PDE9A: variants seen among roughly 807,000 people sequenced by gnomAD.
PDE9A encodes the protein high affinity cGMP-specific 3',5'-cyclic phosphodiesterase 9A.
A neutral mutation model predicts 87.4 loss-of-function variants in PDE9A; 60 were observed. The observed-to-expected ratio is 0.69, with a 90% CI of 0.56 to 0.85. The LOEUF (loss-of-function observed/expected upper bound fraction) is 0.85. PDE9A is among the 40% of genes least tolerant of loss of function. PDE9A has a pLI of 0.00. For synonymous variants in PDE9A, 272 were observed against 279.4 expected (o/e 0.97, Z 0.27); for missense variants, 665 against 779.0 (o/e 0.85, Z 1.74).
intron 1 of PDE9A, among the ~76,000 whole-genome samples, chr21:42,683,625 A>G (rs2059290552): frequency 6.6e-6 from 1 of 152,222 alleles, no homozygotes; most frequent in Admixed American, 6.5e-5. Context: ...CCCCAGGCCC[A>G]TGAGCCTGTT....
chr21:42,757,727 A>T (rs1465566238), intron 10 of PDE9A: 1 of 152,050 alleles, frequency 6.6e-6, no homozygotes, highest in Non-Finnish European at 1.5e-5. Context: ...GGCCAGCAAG[A>T]TGGCCGCCTT....
chr21:42,663,493 C>T (rs2895935), intron 1 of PDE9A, among the ~76,000 whole-genome samples: 56,269 of 152,046 alleles, frequency 0.37, 12,069 homozygotes, highest in African/African-American at 0.6. Context: ...GCCTCCTATA[C>T]GTGCCGGAAG....
intron 6 of PDE9A, among the ~76,000 whole-genome samples, chr21:42,732,733 G>T (rs1039284975): frequency 6.6e-6 from 1 of 152,108 alleles, no homozygotes; most frequent in Non-Finnish European, 1.5e-5. Context: ...TGACCAACAT[G>T]GAGAAACCCC....
chr21:42,715,342 T>C (rs11203209), intron 4 of PDE9A, among the ~76,000 whole-genome samples: 15,072 of 152,078 alleles, frequency 0.099, 1,090 homozygotes, highest in East Asian at 0.35. Context: ...GTATATTGGT[T>C]ACAGCCGGGC....
At chr21:42,756,618 C>T (rs955139614) in intron 10 of PDE9A, among the ~76,000 whole-genome samples, 12 of 151,608 alleles carry the variant, frequency 7.9e-5, no homozygotes, top group South Asian at 4.2e-4. Context: ...GGCTGTGGCC[C>T]GTGAGCGTGG....
At chr21:42,770,195 G>T (rs2056902959) in intron 17 of PDE9A, among the ~76,000 whole-genome samples, 1 of 151,356 alleles carries the variant, frequency 6.6e-6, no homozygotes, top group Admixed American at 6.6e-5. Context: ...TGAGCTGCCT[G>T]TGGCCCCCTG....
chr21:42,686,508 G>A (rs1311038476), intron 2 of PDE9A, among the ~76,000 whole-genome samples: 3 of 152,198 alleles, frequency 2.0e-5, no homozygotes, highest in South Asian at 2.1e-4. Flanking sequence ...AAACAGAACC[G>A]CCCTCCTAAG....
At position 42,731,657 on chromosome 21, in the gene PDE9A, T is replaced by C. The variant is rs1382559708; in HGVS notation, c.263-113T>C. On this transcript the variant is annotated intron_variant, in intron 4 of 19. Coordinates refer to ENST00000291539, the MANE Select transcript of PDE9A (RefSeq NM_002606.3). ...CGCCGTGAGAACACCGTGTTCTGAATTGAGACGTGCCTTGCACTCACTTTG... is the reference window on the plus strand; with the variant it reads ...CGCCGTGAGAACACCGTGTTCTGAACTGAGACGTGCCTTGCACTCACTTTG... The C allele has an allele frequency of 2.2e-5, 24 of 1,092,420 alleles. No individual in the cohort carries two copies. The Admixed American group carries it at 3.5e-4, about 16-fold the overall frequency. The allele number at this position is 1,092,420 out of a possible 1,614,324, so 67.7% of individuals were successfully genotyped here.
At chr21:42,772,067 A>G (rs2057067922) in intron 18 of PDE9A, among the ~76,000 whole-genome samples, 1 of 151,388 alleles carries the variant, frequency 6.6e-6, no homozygotes, top group Admixed American at 6.6e-5. Context: ...CCAGTAGGGG[A>G]TAGTAGGGTT....
At chr21:42,671,251 C>T (rs776628928) in intron 1 of PDE9A, among the ~76,000 whole-genome samples, 6 of 152,152 alleles carry the variant, frequency 3.9e-5, no homozygotes, top group Non-Finnish European at 7.4e-5. Context: ...TGACGCTTTC[C>T]TCCTGCTCTT....
intron 1 of PDE9A, among the ~76,000 whole-genome samples, chr21:42,685,627 C>T (rs1243728297): frequency 6.6e-6 from 1 of 151,938 alleles, no homozygotes; most frequent in Non-Finnish European, 1.5e-5. Context: ...CCACCACGCC[C>T]GGCTAATTTT....
rs58108928 is a variant in PDE9A, at chr21:42,740,704, GTAGATAGA to G, written c.569-3033_569-3026del. Among the ~76,000 whole-genome samples, 1,234 of 133,406 alleles carry G rather than the reference GTAGATAGA, an allele frequency of 9.2e-3. 17 individuals carry two copies. The highest frequency in any genetic ancestry group is 0.019 in the Middle Eastern group (5 of 270). 87.5% of individuals were successfully genotyped at this position (133,406 alleles called of 152,430 possible). A position where few individuals can be genotyped will look rare whatever the true frequency, so the allele number is the denominator to read the frequency against. ...TAGATACACAGTAGGTAGGTAGGTA[GTAGATAGA>G]TAGATAGATAGATAGATAGATAGAT... On this transcript the variant is annotated intron_variant, in intron 7 of 19. Transcript: ENST00000291539.
chr21:42,741,344 T>C (rs1431511961), intron 7 of PDE9A: 1 of 152,232 alleles, frequency 6.6e-6, no homozygotes, highest in African/African-American at 2.4e-5. Context: ...ATCAGCTTCC[T>C]TGAGGGGCCC....
intron 4 of PDE9A, among the ~76,000 whole-genome samples, chr21:42,730,188 G>C (rs1166596346): frequency 6.6e-6 from 1 of 152,180 alleles, no homozygotes; most frequent in African/African-American, 2.4e-5. Flanking sequence ...TCCCCCACTA[G>C]TAGGTGTGGG....
chr21:42,765,277 G>A (rs981492434), intron 14 of PDE9A, 104 bp from the exon 15 acceptor site: 43 of 640,640 alleles, frequency 6.7e-5, no homozygotes, highest in Non-Finnish European at 1.1e-4. Flanking sequence ...CGGAATAAGA[G>A]ATACATGAAA....
chr21:42,723,564 G>A lies in PDE9A; in HGVS notation c.263-8206G>A, dbSNP rs919469837. On this transcript the variant is annotated intron_variant, in intron 4 of 19. Coordinates refer to ENST00000291539, the MANE Select transcript of PDE9A (RefSeq NM_002606.3). The surrounding 1 kb of genome is among the most constrained non-coding windows in gnomAD (Gnocchi z 4.3). ...GGTATCTAGAGGTAAATCCCCATCA[G>A]CTTGGAGCAGCACCATGAAATCCAC... 1.3e-5 allele frequency among the ~76,000 whole-genome samples: 2 copies of A among 152,176 alleles called. No individual in the cohort carries two copies. The highest frequency in any genetic ancestry group is 4.8e-5 in the African/African-American group (2 of 41,438).
rs1313710833 is a variant in PDE9A at position 42,739,648 on chromosome 21, G to C, written c.569-4128G>C. On this transcript the variant is annotated intron_variant, in intron 7 of 19. Transcript: ENST00000291539. The surrounding 1 kb of genome is among the most constrained non-coding windows in gnomAD (Gnocchi z 4.1). Reference sequence around the variant, plus strand: ...CATCTCTGGGATGCAAACTAGTGAAGCTGTGCTGTGTCACCCAGGAGGCTT... The same window carrying C: ...CATCTCTGGGATGCAAACTAGTGAACCTGTGCTGTGTCACCCAGGAGGCTT... Among the ~76,000 whole-genome samples the C allele has an allele frequency of 1.3e-5, 2 of 152,086 alleles. No individual in the cohort carries two copies. The highest frequency in any genetic ancestry group is 2.9e-5 in the Non-Finnish European group (2 of 68,040).
rs999280377 is a variant in PDE9A at position 42,702,750 on chromosome 21, A to G, written c.262+3739A>G. Among the ~76,000 whole-genome samples the G allele has an allele frequency of 1.3e-5, 2 of 152,198 alleles. No homozygotes were observed. The highest frequency in any genetic ancestry group is 2.9e-5 in the Non-Finnish European group (2 of 68,032). The stretch of plus-strand genomic sequence containing the variant: ...CTTGATCCCTTTGGGGTCTCCCCCA[A>G]ACTCCTGGCTGATCACCAAATTCCA... On this transcript the variant is annotated intron_variant, in intron 4 of 19. Coordinates refer to ENST00000291539, the MANE Select transcript of PDE9A (RefSeq NM_002606.3). This position sits in a 1 kb window ranked among gnomAD's most constrained non-coding sequence, Gnocchi z 4.9.
chr21:42,726,617 TATATATA>T lies in PDE9A; in HGVS notation c.263-5152_263-5146del, dbSNP rs1455087039. ...CCATATATATATATATATATATATATATATATATTTTTTTTTTTTTTTTTGTAGAGAT... is the reference window on the plus strand; with the variant it reads ...CCATATATATATATATATATATATATTTTTTTTTTTTTTTTTTGTAGAGAT... On this transcript the variant is annotated intron_variant, in intron 4 of 19. Coordinates refer to ENST00000291539, the MANE Select transcript of PDE9A (RefSeq NM_002606.3). 2.4e-3 allele frequency among the ~76,000 whole-genome samples: 87 copies of T among 36,156 alleles called. 1 individual carries two copies. The highest frequency in any genetic ancestry group is 0.017 in the East Asian group (16 of 930). 23.7% of individuals were successfully genotyped at this position (36,156 alleles called of 152,430 possible).
Sources: allele counts gnomAD v4.1 joint callset (sites outside exome capture counted in the v4.1 genomes callset), GRCh38; gene constraint gnomAD v4.1.1; non-coding constraint Gnocchi (gnomAD v3.1); transcripts MANE v1.5; gene names NCBI Gene and HGNC (gene_info 2026-07-23, HGNC 2026-07-21).